PSPC1: variants seen among roughly 807,000 people sequenced by gnomAD.
PSPC1 encodes the protein paraspeckle protein 1.
In PSPC1, 14 loss-of-function variants were observed where a neutral mutation model predicts 51.6. The observed-to-expected ratio is 0.27, with a 90% CI of 0.18 to 0.42. The LOEUF is 0.42. Among genes scored for constraint, PSPC1 ranks in the 10% least tolerant of loss-of-function variants. The probability of loss-of-function intolerance (pLI) is 1.00; values close to 1 mark genes in which losing one functional copy is unlikely to be tolerated. For synonymous variants in PSPC1, 193 were observed against 231.9 expected, an observed-to-expected ratio of 0.83 and a Z score of 1.53; for missense variants, 406 against 701.1, an observed-to-expected ratio of 0.58 and a Z score of 4.75.
At chr13:19,687,668 T>TCCCCTATATTAGGTTAACCA in intron 6 of PSPC1, among the ~76,000 whole-genome samples, 1 of 151,866 alleles carries the variant, frequency 6.6e-6, no homozygotes, top group African/African-American at 2.4e-5. Flanking sequence ...TCCACATAAA[T>TCCCCTATATTAGGTTAACCA]CCCAGTCGTG....
At chr13:19,725,543 T>A (rs767318609) in intron 6 of PSPC1, among the ~76,000 whole-genome samples, 1 of 152,222 alleles carries the variant, frequency 6.6e-6, no homozygotes, top group East Asian at 1.9e-4. Context: ...GGCCATGTAG[T>A]CTCAATACAG....
chr13:19,691,436 T>A (rs924220702), intron 6 of PSPC1, among the ~76,000 whole-genome samples: 2 of 152,028 alleles, frequency 1.3e-5, no homozygotes, highest in Admixed American at 1.3e-4. Flanking sequence ...GGTGGGATGA[T>A]CACTTGGGCC....
intron 5 of PSPC1, among the ~76,000 whole-genome samples, chr13:19,734,757 G>A (rs1884559635): frequency 6.6e-6 from 1 of 151,920 alleles, no homozygotes; most frequent in Non-Finnish European, 1.5e-5. Context: ...AGTCAAGATT[G>A]CACCACTGTA....
chr13:19,735,387 CA>C (rs1450609909), intron 5 of PSPC1, among the ~76,000 whole-genome samples: 1 of 152,110 alleles, frequency 6.6e-6, no homozygotes, highest in African/African-American at 2.4e-5. Flanking sequence ...AATAAGTGAA[CA>C]AACAAAACAA....
chr13:19,679,543 G>A (rs1180930723), intron 6 of PSPC1, among the ~76,000 whole-genome samples: 2 of 152,246 alleles, frequency 1.3e-5, no homozygotes, highest in African/African-American at 4.8e-5. Flanking sequence ...GAGTGGTTGT[G>A]TCTATACTGA....
chr13:19,707,436 C>T (rs1202580085), intron 7 of PSPC1, among the ~76,000 whole-genome samples: 1 of 152,158 alleles, frequency 6.6e-6, no homozygotes, highest in Non-Finnish European at 1.5e-5. Context: ...TAGTGATACA[C>T]CAGAAAATCT....
At chr13:19,775,935 C>T (rs1469873075) in intron 1 of PSPC1, among the ~76,000 whole-genome samples, 2 of 152,010 alleles carry the variant, frequency 1.3e-5, no homozygotes, top group Admixed American at 6.6e-5. Flanking sequence ...CCTGTAGTCC[C>T]AGCTGCTGGG....
chr13:19,677,705 T>C (rs1268020644), intron 7 of PSPC1: 3 of 430,498 alleles, frequency 7.0e-6, no homozygotes, highest in Middle Eastern at 3.3e-4. Flanking sequence ...TAGAAAATAA[T>C]GAGCAGATAC....
At chr13:19,677,651 T>C (rs2290810) in intron 7 of PSPC1, 304,637 of 408,010 alleles carry the variant, frequency 0.75, 117,817 homozygotes, top group East Asian at 0.89. Context: ...TCAGGAAGAA[T>C]TGACTAGAAA....
chr13:19,691,486 C>G (rs111667404), intron 6 of PSPC1, among the ~76,000 whole-genome samples: 1 of 152,112 alleles, frequency 6.6e-6, no homozygotes, highest in Admixed American at 6.5e-5. Flanking sequence ...TACACCACTG[C>G]ACTCCAGCCT....
At chr13:19,745,704 C>T (rs934534278) in intron 4 of PSPC1, among the ~76,000 whole-genome samples, 1 of 151,084 alleles carries the variant, frequency 6.6e-6, no homozygotes, top group Non-Finnish European at 1.5e-5. Context: ...ACTGCAACCT[C>T]CACCTCCTGG....
At chr13:19,753,246 G>GCA (rs1440516066) in intron 3 of PSPC1, among the ~76,000 whole-genome samples, 2 of 139,018 alleles carry the variant, frequency 1.4e-5, no homozygotes, top group African/African-American at 2.8e-5. Flanking sequence ...TTGTGCCACT[G>GCA]CACTCCAGCC....
intron 4 of PSPC1, among the ~76,000 whole-genome samples, chr13:19,747,614 A>G (rs1886127795): frequency 6.6e-6 from 1 of 152,184 alleles, no homozygotes; most frequent in Admixed American, 6.5e-5. Flanking sequence ...TACAGGCATG[A>G]GCCACTACAC....
downstream of PSPC1, among the ~76,000 whole-genome samples, chr13:19,674,208 CTG>C (rs1416469330): frequency 3.3e-5 from 5 of 152,194 alleles, no homozygotes; most frequent in African/African-American, 9.7e-5. Flanking sequence ...ATCTAGTTGA[CTG>C]TAATGGCTGT....
chr13:19,692,227 G>A (rs1593538750), intron 6 of PSPC1, among the ~76,000 whole-genome samples: 3 of 152,160 alleles, frequency 2.0e-5, no homozygotes, highest in Non-Finnish European at 1.5e-5. Context: ...AGGTTCAAGC[G>A]ATTCTCCTGC....
chr13:19,752,372 CAAAT>C (rs1045378404), intron 3 of PSPC1, among the ~76,000 whole-genome samples: 3 of 151,956 alleles, frequency 2.0e-5, no homozygotes, highest in Non-Finnish European at 2.9e-5. Context: ...AACGAATTAC[CAAAT>C]AAAGGGCTAT....
intron 6 of PSPC1, among the ~76,000 whole-genome samples, chr13:19,714,495 CTTT>C (rs59072226): frequency 1.8e-4 from 24 of 135,050 alleles, no homozygotes; most frequent in Non-Finnish European, 3.2e-4. Flanking sequence ...CAGCGGATTT[CTTT>C]TTTTTTTTTT....
At chr13:19,746,069 G>T (rs1327404156) in intron 4 of PSPC1, among the ~76,000 whole-genome samples, 1 of 148,592 alleles carries the variant, frequency 6.7e-6, no homozygotes, top group Non-Finnish European at 1.5e-5. Context: ...GCGGTGGTGC[G>T]ATCTTGGCTC....
chr13:19,689,587 G>A (rs913694867), intron 6 of PSPC1, among the ~76,000 whole-genome samples: 1 of 152,064 alleles, frequency 6.6e-6, no homozygotes, highest in Non-Finnish European at 1.5e-5. Context: ...ATCATCTCTT[G>A]TCAAGAAGAG....
Sources: gnomAD v4.1 joint callset for allele counts (sites outside exome capture counted in the v4.1 genomes callset) on GRCh38, gnomAD v4.1.1 for gene constraint, MANE v1.5 for transcripts, NCBI Gene and HGNC (gene_info 2026-07-23, HGNC 2026-07-21) for gene names.